Variants in CNTLN observed in about 807,000 individuals in gnomAD.
The protein encoded by CNTLN is centlein.
CNTLN carries 212 observed loss-of-function variants against 180.0 expected under a neutral mutation model. The ratio of observed to expected loss-of-function variants is 1.18; its 90% CI spans 1.05 to 1.32. The LOEUF is 1.32. Ranked by LOEUF, CNTLN falls within the 40% of genes most tolerant of loss-of-function variation. CNTLN has a pLI of 0.00. For synonymous variants in CNTLN, 722 were observed against 563.1 expected, an observed-to-expected ratio of 1.28 and a Z score of -3.99; for missense variants, 2,095 against 1,610.9, an observed-to-expected ratio of 1.30 and a Z score of -5.14.
At chr9:17,191,188 C>T (rs994663907) in intron 2 of CNTLN, among the ~76,000 whole-genome samples, 9 of 152,222 alleles carry the variant, frequency 5.9e-5, no homozygotes, top group African/African-American at 2.2e-4. Context: ...TGGACAGCTT[C>T]TCATACTTTG....
intron 3 of CNTLN, among the ~76,000 whole-genome samples, chr9:17,228,505 T>A (rs1824616764): frequency 6.6e-6 from 1 of 152,068 alleles, no homozygotes; most frequent in African/African-American, 2.4e-5. Flanking sequence ...CCTGTGATGG[T>A]GTTGTAGAAT....
intron 5 of CNTLN, among the ~76,000 whole-genome samples, chr9:17,269,516 T>G (rs1026104712): frequency 6.6e-6 from 1 of 152,168 alleles, no homozygotes; most frequent in African/African-American, 2.4e-5. Flanking sequence ...CATGATCTCT[T>G]GTTTGGTCAA....
chr9:17,135,481 G>A (rs563950352), intron 1 of CNTLN, 56 bp downstream of exon 1: 3 of 1,528,430 alleles, frequency 2.0e-6, no homozygotes, highest in Non-Finnish European at 2.6e-6. Context: ...CGGGACCCGT[G>A]GGGAGGCGCG....
intron 15 of CNTLN, among the ~76,000 whole-genome samples, chr9:17,406,023 T>A (rs1827361916): frequency 6.6e-6 from 1 of 151,746 alleles, no homozygotes; most frequent in Non-Finnish European, 1.5e-5. Flanking sequence ...ACTGTCAACT[T>A]AGCATCATAC....
chr9:17,498,356 G>T (rs1206340624), intron 25 of CNTLN, among the ~76,000 whole-genome samples: 1 of 152,138 alleles, frequency 6.6e-6, no homozygotes, highest in African/African-American at 2.4e-5. Context: ...GCCACAATTT[G>T]TAAGTGTGAG....
intron 8 of CNTLN, among the ~76,000 whole-genome samples, chr9:17,318,453 G>C (rs942114229): frequency 6.6e-6 from 1 of 152,108 alleles, no homozygotes; most frequent in Admixed American, 6.5e-5. Context: ...GAACTCAGTG[G>C]GTACTTAGAC....
intron 16 of CNTLN, among the ~76,000 whole-genome samples, chr9:17,413,074 C>T (rs529471981): frequency 6.6e-6 from 1 of 152,118 alleles, no homozygotes; most frequent in Admixed American, 6.5e-5. Context: ...ACCGTACACC[C>T]GCCATTATTA....
intron 2 of CNTLN, among the ~76,000 whole-genome samples, chr9:17,196,379 G>C (rs1032507492): frequency 6.6e-6 from 1 of 152,004 alleles, no homozygotes; most frequent in Non-Finnish European, 1.5e-5. Flanking sequence ...TTAGACCTCA[G>C]TTTTCACATC....
chr9:17,446,276 G>C (rs563380099), intron 18 of CNTLN, among the ~76,000 whole-genome samples: 1 of 151,922 alleles, frequency 6.6e-6, no homozygotes, highest in Non-Finnish European at 1.5e-5. Context: ...TAAGTCTCTC[G>C]TTCCACCTTA....
intron 2 of CNTLN, among the ~76,000 whole-genome samples, chr9:17,216,921 C>A (rs1336378941): frequency 1.3e-5 from 2 of 152,192 alleles, no homozygotes; most frequent in African/African-American, 4.8e-5. Context: ...GGCAGTTCCA[C>A]CCAGGGCATA....
intron 2 of CNTLN, among the ~76,000 whole-genome samples, chr9:17,201,712 A>C (rs1357653172): frequency 2.0e-5 from 3 of 150,584 alleles, no homozygotes; most frequent in African/African-American, 4.9e-5. Context: ...TGTCTATTTT[A>C]TTCTTCTCTC....
intron 13 of CNTLN, among the ~76,000 whole-genome samples, chr9:17,369,421 G>T (rs928978514): frequency 1.1e-4 from 17 of 151,958 alleles, no homozygotes; most frequent in Admixed American, 6.6e-5. Flanking sequence ...TCAAACAAAC[G>T]AAATGAGGCA....
At chr9:17,439,912 A>G (rs1254798136) in intron 18 of CNTLN, among the ~76,000 whole-genome samples, 1 of 152,202 alleles carries the variant, frequency 6.6e-6, no homozygotes, top group Admixed American at 6.5e-5. Context: ...ACTTCCCACC[A>G]TCCAGATCAT....
At chr9:17,417,187 A>G (rs2133894125) in intron 18 of CNTLN, among the ~76,000 whole-genome samples, 1 of 152,284 alleles carries the variant, frequency 6.6e-6, no homozygotes, top group East Asian at 1.9e-4. Flanking sequence ...TAGAATTTAG[A>G]CACAGCCACT....
chr9:17,202,005 G>C (rs529289052), intron 2 of CNTLN, among the ~76,000 whole-genome samples: 2 of 152,186 alleles, frequency 1.3e-5, no homozygotes, highest in African/African-American at 4.8e-5. Context: ...CACTGCTTTA[G>C]ACGTGTCCAG....
intron 7 of CNTLN, chr9:17,302,071 A>G (rs1338504619): frequency 7.2e-6 from 7 of 976,296 alleles, no homozygotes; most frequent in Non-Finnish European, 8.5e-6. Flanking sequence ...ATTATAGTGT[A>G]CTGACTACAC....
At chr9:17,181,922 G>T (rs1347295308) in intron 2 of CNTLN, among the ~76,000 whole-genome samples, 2 of 152,178 alleles carry the variant, frequency 1.3e-5, no homozygotes, top group Non-Finnish European at 2.9e-5. Flanking sequence ...CTGGGCAGAG[G>T]TGAAAATTCT....
At chr9:17,266,221 G>A (rs1056703237) in intron 5 of CNTLN, among the ~76,000 whole-genome samples, 2 of 152,114 alleles carry the variant, frequency 1.3e-5, no homozygotes, top group African/African-American at 2.4e-5. Flanking sequence ...GTGTTCCAGA[G>A]ATTCTGGTAT....
chr9:17,505,245 T>C (rs371161643), downstream of CNTLN, among the ~76,000 whole-genome samples: 5 of 152,142 alleles, frequency 3.3e-5, no homozygotes, highest in East Asian at 9.7e-4. Flanking sequence ...GACCAAACAC[T>C]TCCCCCTATA....
Sources: gnomAD v4.1 joint callset for allele counts (sites outside exome capture counted in the v4.1 genomes callset) on GRCh38, gnomAD v4.1.1 for gene constraint, MANE v1.5 for transcripts, NCBI Gene and HGNC (gene_info 2026-07-23, HGNC 2026-07-21) for gene names.